Variants in SEMA6D observed in about 807,000 individuals in gnomAD.
The protein encoded by SEMA6D is semaphorin-6D.
Under a neutral mutation model 106.6 loss-of-function variants are expected in SEMA6D, and 35 were observed. The ratio of observed to expected loss-of-function variants is 0.33; its 90% CI spans 0.25 to 0.44. The LOEUF (loss-of-function observed/expected upper bound fraction) is 0.44. Among genes scored for constraint, SEMA6D ranks in the 20% least tolerant of loss-of-function variants. The pLI is 1.00. For synonymous variants in SEMA6D, 499 were observed against 487.7 expected, an observed-to-expected ratio of 1.02 and a Z score of -0.31; for missense variants, 1,185 against 1,345.9, an observed-to-expected ratio of 0.88 and a Z score of 1.87.
chr15:47,204,549 T>C (rs1894929855), intron 1 of SEMA6D, among the ~76,000 whole-genome samples: 1 of 152,146 alleles, frequency 6.6e-6, no homozygotes. Context: ...ATTTGACTAC[T>C]TATTTATAGG....
In SEMA6D at chr15:47,187,748, T is replaced by A. The variant is rs571272222; in HGVS notation, c.-239+3330T>A. 1.6e-4 allele frequency among the ~76,000 whole-genome samples: 24 copies of A among 152,282 alleles called. No individual in the cohort carries two copies. The South Asian group carries it at 1.7e-3, about 11-fold the overall frequency. On this transcript the variant is annotated intron_variant, in intron 1 of 19. Coordinates refer to the SEMA6D transcript ENST00000558014. ...TGTTATTTTTCTCCTATGTCATAAA[T>A]TTATGTGCAAATATCTTCAGCATTG... is the stretch of plus-strand genomic sequence containing the variant.
At position 47,773,076 on chromosome 15, in the gene SEMA6D, G is replaced by A; in HGVS notation, c.*1291G>A. The A allele has an allele frequency of 6.6e-6, 1 of 152,424 alleles. No homozygotes were observed. The highest frequency in any genetic ancestry group is 1.9e-4 in the East Asian group (1 of 5,186). The allele number at this position is 152,424 out of a possible 1,614,324, so 9.4% of individuals were successfully genotyped here. A position where few individuals can be genotyped will look rare whatever the true frequency, so the allele number is the denominator to read the frequency against. ...GAGTTTACCTGAATCTGTGCATTTT[G>A]TGCCTTATTCATGAGAATGATAGAA... is the stretch of plus-strand genomic sequence containing the variant. On this transcript the variant is annotated 3_prime_UTR_variant, in exon 19 of 19. Transcript: ENST00000536845.
chr15:47,189,326 T>C (rs1284768384), intron 1 of SEMA6D, among the ~76,000 whole-genome samples: 1 of 152,180 alleles, frequency 6.6e-6, no homozygotes, highest in African/African-American at 2.4e-5. Flanking sequence ...CAGTATTTGT[T>C]CTAAGTACCA....
intron 3 of SEMA6D, among the ~76,000 whole-genome samples, chr15:47,578,496 T>C (rs1566905849): frequency 6.6e-6 from 1 of 152,200 alleles, no homozygotes; most frequent in African/African-American, 2.4e-5. Flanking sequence ...TCAGCTAAAT[T>C]GAACTAATTG....
chr15:47,673,702 G>A (rs144570769), intron 4 of SEMA6D, among the ~76,000 whole-genome samples: 56 of 152,306 alleles, frequency 3.7e-4, no homozygotes, highest in Admixed American at 1.1e-3. Flanking sequence ...GAGCTGTCAC[G>A]TGGGGGGAGA....
chr15:47,427,106 T>C (rs562719782), intron 2 of SEMA6D, among the ~76,000 whole-genome samples: 1 of 152,270 alleles, frequency 6.6e-6, no homozygotes, highest in South Asian at 2.1e-4. Context: ...TCATTTACAG[T>C]GATAGCATCA....
intron 4 of SEMA6D, among the ~76,000 whole-genome samples, chr15:47,689,950 G>A (rs548851206): frequency 8.5e-5 from 13 of 152,314 alleles, no homozygotes; most frequent in Admixed American, 1.3e-4. Context: ...GATTTGCTAC[G>A]GGTGGGGAAA....
chr15:47,240,523 AG>A (rs1193424423), intron 1 of SEMA6D, among the ~76,000 whole-genome samples: 5 of 152,226 alleles, frequency 3.3e-5, no homozygotes, highest in Admixed American at 2.6e-4. Context: ...TTCCTTTTTA[AG>A]ATCATTTCCA....
chr15:47,758,111 A>T (rs1237351074), intron 1 of SEMA6D, among the ~76,000 whole-genome samples: 1 of 152,206 alleles, frequency 6.6e-6, no homozygotes, highest in Non-Finnish European at 1.5e-5. Context: ...GGCAGTTTAA[A>T]TATGTGAACT....
chr15:47,737,078 G>C (rs2080486873), intron 1 of SEMA6D, among the ~76,000 whole-genome samples: 1 of 151,988 alleles, frequency 6.6e-6, no homozygotes, highest in Admixed American at 6.5e-5. Context: ...GTAGGAGGTA[G>C]GAAGGAAAAA....
intron 2 of SEMA6D, among the ~76,000 whole-genome samples, chr15:47,438,828 G>C (rs2041800977): frequency 6.6e-6 from 1 of 151,898 alleles, no homozygotes; most frequent in African/African-American, 2.4e-5. Flanking sequence ...ATGCGGGAGA[G>C]AGGTTTTTGA....
At chr15:47,258,869 T>G (rs1026030774) in intron 1 of SEMA6D, among the ~76,000 whole-genome samples, 1 of 152,138 alleles carries the variant, frequency 6.6e-6, no homozygotes, top group African/African-American at 2.4e-5. Flanking sequence ...ATTTTATTAT[T>G]TGTTTTCTGC....
intron 4 of SEMA6D, among the ~76,000 whole-genome samples, chr15:47,688,095 G>C (rs1490732025): frequency 6.6e-6 from 1 of 151,984 alleles, no homozygotes; most frequent in Non-Finnish European, 1.5e-5. Flanking sequence ...AAAACCATGG[G>C]AATAAATGAG....
At chr15:47,365,955 A>AAAAGAAAG (rs1363325901) in intron 1 of SEMA6D, among the ~76,000 whole-genome samples, 1 of 151,890 alleles carries the variant, frequency 6.6e-6, no homozygotes, top group African/African-American at 2.4e-5. Flanking sequence ...AGAAAGATAG[A>AAAAGAAAG]AAAGAAAGAA....
At chr15:47,725,592 A>C (rs1596794157) in intron 1 of SEMA6D, among the ~76,000 whole-genome samples, 1 of 148,390 alleles carries the variant, frequency 6.7e-6, no homozygotes, top group Non-Finnish European at 1.5e-5. Context: ...CAACCCCCTC[A>C]CCCAAGATAA....
intron 2 of SEMA6D, among the ~76,000 whole-genome samples, chr15:47,441,465 T>C (rs1261516845): frequency 6.6e-6 from 1 of 152,126 alleles, no homozygotes; most frequent in East Asian, 1.9e-4. Context: ...ACAAATGATA[T>C]GTTTATGACT....
rs144902247 is a variant in SEMA6D at position 47,751,032 on chromosome 15, G to A, written c.-54-8713G>A. Among the ~76,000 whole-genome samples, 510 of 152,208 alleles carry A rather than the reference G, an allele frequency of 3.4e-3. 1 individual carries two copies. Among genetic ancestry groups the A allele is most frequent in the Non-Finnish European group, 5.3e-3 (362 of 67,986 alleles). On this transcript the variant is annotated intron_variant, in intron 1 of 18. Transcript: ENST00000536845. ...GAGTAGCCTGCCCCAGCTCTACTTCGGGGTCTCCTGGAATCTGTATATATA... is the reference window on the plus strand; with the variant it reads ...GAGTAGCCTGCCCCAGCTCTACTTCAGGGTCTCCTGGAATCTGTATATATA...
intron 4 of SEMA6D, among the ~76,000 whole-genome samples, chr15:47,678,400 C>G (rs1007014523): frequency 6.6e-6 from 1 of 152,170 alleles, no homozygotes; most frequent in African/African-American, 2.4e-5. Flanking sequence ...CATAGCTTCC[C>G]TCCCTCCCAT....
intron 2 of SEMA6D, among the ~76,000 whole-genome samples, chr15:47,429,033 A>T (rs556631639): frequency 1.3e-5 from 2 of 151,768 alleles, no homozygotes; most frequent in South Asian, 4.2e-4. Flanking sequence ...GAAGGAAGGA[A>T]AAGGACAGGA....
Sources: allele counts gnomAD v4.1 joint callset (sites outside exome capture counted in the v4.1 genomes callset), GRCh38; gene constraint gnomAD v4.1.1; transcripts MANE v1.5; gene names NCBI Gene and HGNC (gene_info 2026-07-23, HGNC 2026-07-21).